The following MSI2 variants were observed in gnomAD, a reference collection of about 807,000 sequenced individuals.
The protein encoded by MSI2 is RNA-binding protein Musashi homolog 2.
MSI2 carries 17 observed loss-of-function variants against 45.6 expected under a neutral mutation model. That is an observed-to-expected ratio of 0.37 (90% CI 0.26 to 0.56). MSI2 has a LOEUF of 0.56. Among genes scored for constraint, MSI2 ranks in the 20% least tolerant of loss-of-function variants. The pLI is 0.77. For synonymous variants in MSI2, 156 were observed against 158.2 expected (o/e 0.99, Z 0.11); for missense variants, 293 against 444.2 (o/e 0.66, Z 3.06).
At position 57,401,565 on chromosome 17, in the gene MSI2, T is replaced by A. The variant is rs547145050; in HGVS notation, c.405+94T>A. 211 of 922,814 alleles carry A rather than the reference T, an allele frequency of 2.3e-4. No individual in the cohort carries two copies. In the African/African-American group the frequency reaches 3.3e-3, roughly 14 times the overall value. 57.2% of individuals were successfully genotyped at this position (922,814 alleles called of 1,614,324 possible). ...GTGGCCCCCGCCCCTGCTACAGCTGTGTCCTCAAGAACCTTGTCCTTGAAC... is the reference window on the plus strand; with the variant it reads ...GTGGCCCCCGCCCCTGCTACAGCTGAGTCCTCAAGAACCTTGTCCTTGAAC... On this transcript the variant is annotated intron_variant, in intron 6 of 13. Coordinates refer to ENST00000284073, the MANE Select transcript of MSI2 (RefSeq NM_138962.4).
chr17:57,335,738 G>A (rs73995314), intron 5 of MSI2, among the ~76,000 whole-genome samples: 2,475 of 152,310 alleles, frequency 0.016, 70 homozygotes, highest in African/African-American at 0.056. Flanking sequence ...GAAACGGGGA[G>A]TGTTATTTTA....
intron 7 of MSI2, among the ~76,000 whole-genome samples, chr17:57,555,207 C>T (rs866637091): frequency 6.6e-6 from 1 of 152,236 alleles, no homozygotes; most frequent in Non-Finnish European, 1.5e-5. Context: ...CCAGCGTCCG[C>T]ACCGCCAGCT....
chr17:57,394,607 G>A (rs974208651), intron 5 of MSI2, among the ~76,000 whole-genome samples: 5 of 152,342 alleles, frequency 3.3e-5, no homozygotes, highest in African/African-American at 1.2e-4. Context: ...TTTTATCAGA[G>A]GAACTTGAAT....
At chr17:57,575,152 C>CCT (rs1555626245) in intron 7 of MSI2, among the ~76,000 whole-genome samples, 1 of 105,624 alleles carries the variant, frequency 9.5e-6, no homozygotes, top group East Asian at 3.2e-4. Flanking sequence ...TTAACTCCCT[C>CCT]CCCCCGCCAC....
At chr17:57,640,130 C>T (rs977735041) in intron 10 of MSI2, among the ~76,000 whole-genome samples, 27 of 152,164 alleles carry the variant, frequency 1.8e-4, no homozygotes, top group Admixed American at 9.2e-4. Flanking sequence ...GGCAGCACAT[C>T]AGGGCAGGAG....
intron 5 of MSI2, among the ~76,000 whole-genome samples, chr17:57,358,059 G>A (rs932138323): frequency 3.5e-4 from 54 of 152,280 alleles, no homozygotes; most frequent in African/African-American, 1.2e-3. Flanking sequence ...ACCACACTTG[G>A]CAGGCTTGGC....
chr17:57,283,799 C>T (rs755254987), intron 5 of MSI2, among the ~76,000 whole-genome samples: 1 of 152,190 alleles, frequency 6.6e-6, no homozygotes, highest in Non-Finnish European at 1.5e-5. Flanking sequence ...CTCCCGGAAG[C>T]GTGGTTCAGG....
chr17:57,354,363 C>A (rs1006019067), intron 5 of MSI2, among the ~76,000 whole-genome samples: 3 of 152,128 alleles, frequency 2.0e-5, no homozygotes, highest in Non-Finnish European at 4.4e-5. Context: ...TGCCACAACA[C>A]TGGAATTTTG....
intron 6 of MSI2, among the ~76,000 whole-genome samples, chr17:57,513,252 G>A (rs2086396328): frequency 6.6e-6 from 1 of 152,128 alleles, no homozygotes; most frequent in Non-Finnish European, 1.5e-5. Context: ...GGGATTACAG[G>A]CATGAGCCAC....
At chr17:57,540,300 C>G (rs2087014914) in intron 7 of MSI2, among the ~76,000 whole-genome samples, 1 of 152,168 alleles carries the variant, frequency 6.6e-6, no homozygotes, top group Non-Finnish European at 1.5e-5. Context: ...AATACTGTGA[C>G]TGTCATTACT....
intron 6 of MSI2, among the ~76,000 whole-genome samples, chr17:57,408,519 G>A (rs1478405050): frequency 2.0e-5 from 3 of 152,182 alleles, no homozygotes; most frequent in African/African-American, 7.2e-5. Flanking sequence ...TACTTTTTCT[G>A]CTGCGGCAAG....
At chr17:57,697,985 C>G in the MSI2 span, among the ~76,000 whole-genome samples, 1 of 152,190 alleles carries the variant, frequency 6.6e-6, no homozygotes. Flanking sequence ...CCCTCACTGC[C>G]TCCCACACTC....
intron 9 of MSI2, among the ~76,000 whole-genome samples, chr17:57,616,997 A>G (rs1907776252): frequency 6.6e-6 from 1 of 152,252 alleles, no homozygotes; most frequent in Non-Finnish European, 1.5e-5. Flanking sequence ...TGGTTTGGCT[A>G]AGAGTCCCAC....
rs1352710751 is a variant in MSI2 at position 57,531,198 on chromosome 17, T to G, written c.454+1474T>G. 2.0e-5 allele frequency among the ~76,000 whole-genome samples: 3 copies of G among 152,194 alleles called. No individual in the cohort carries two copies. The South Asian group carries it at 6.2e-4, about 32-fold the overall frequency. ...GGACTTCCAGATGCATCTCCTAATG[T>G]GACCTTCACAGCAGCCCCTGGAGGG... On this transcript the variant is annotated intron_variant, in intron 7 of 13. Coordinates refer to ENST00000284073, the MANE Select transcript of MSI2 (RefSeq NM_138962.4).
intron 7 of MSI2, among the ~76,000 whole-genome samples, chr17:57,538,533 G>C (rs2086970868): frequency 1.3e-5 from 2 of 152,172 alleles, no homozygotes; most frequent in Non-Finnish European, 2.9e-5. Flanking sequence ...CTCTGTAAGA[G>C]TTAAATGATT....
chr17:57,446,486 T>C (rs1056249144), intron 6 of MSI2, among the ~76,000 whole-genome samples: 5 of 152,196 alleles, frequency 3.3e-5, no homozygotes, highest in African/African-American at 9.7e-5. Flanking sequence ...CTGGCCCCCT[T>C]TGGGGCTCTC....
At chr17:57,672,899 T>G (rs1350905474) in intron 11 of MSI2, among the ~76,000 whole-genome samples, 1 of 152,254 alleles carries the variant, frequency 6.6e-6, no homozygotes, top group Non-Finnish European at 1.5e-5. Context: ...TTGAATCTTC[T>G]ATATTCAAAA....
At chr17:57,614,053 A>T (rs73314718) in intron 8 of MSI2, among the ~76,000 whole-genome samples, 11,387 of 151,570 alleles carry the variant, frequency 0.075, 746 homozygotes, top group African/African-American at 0.18. Context: ...CGTTTTATTT[A>T]TTTTTTTTAT....
At chr17:57,631,954 T>G (rs1461646029) in intron 10 of MSI2, 2 of 1,475,106 alleles carry the variant, frequency 1.4e-6, no homozygotes, top group African/African-American at 2.8e-5. Flanking sequence ...AGCTGCCTGT[T>G]TGAATGACTG....
Sources: allele counts gnomAD v4.1 joint callset (sites outside exome capture counted in the v4.1 genomes callset), GRCh38; gene constraint gnomAD v4.1.1; transcripts MANE v1.5; gene names NCBI Gene and HGNC (gene_info 2026-07-23, HGNC 2026-07-21).